KCNIP4: variants seen among roughly 807,000 people sequenced by gnomAD.
KCNIP4 encodes the protein Kv channel-interacting protein 4.
In KCNIP4, 12 loss-of-function variants were observed where a neutral mutation model predicts 34.0. That is an observed-to-expected ratio of 0.35 (90% confidence interval 0.23 to 0.57). The LOEUF is 0.57. KCNIP4 is among the 20% of genes least tolerant of loss of function. The pLI is 0.83. For missense variants in KCNIP4, 238 were observed against 311.7 expected, an observed-to-expected ratio of 0.76 and a Z score of 1.78; for synonymous variants, 124 against 102.2, an observed-to-expected ratio of 1.21 and a Z score of -1.29.
intron 1 of KCNIP4, among the ~76,000 whole-genome samples, chr4:21,269,569 C>A (rs1055807902): frequency 4.6e-5 from 7 of 151,942 alleles, no homozygotes; most frequent in African/African-American, 1.7e-4. Context: ...CCATGCCCAG[C>A]TAATTTTTGT....
chr4:21,050,281 T>C (rs900980616), intron 1 of KCNIP4, among the ~76,000 whole-genome samples: 5 of 152,180 alleles, frequency 3.3e-5, no homozygotes, highest in African/African-American at 1.2e-4. Flanking sequence ...AAAGTCTCAT[T>C]TAAATATAAC....
At position 20,956,082 on chromosome 4, in the gene KCNIP4, C is replaced by A. The variant is rs796294315; in HGVS notation, c.62-73373G>T. ...GTGTGATTTTCTAAATTTGATTAGA[C>A]CTTTTTTGACAGGGATCTATCTTTC... On this transcript the variant is annotated intron_variant, in intron 1 of 8. Transcript: ENST00000382152. 3.9e-5 allele frequency among the ~76,000 whole-genome samples: 6 copies of A among 152,150 alleles called. No individual in the cohort carries two copies. The South Asian group carries it at 1.2e-3, about 32-fold the overall frequency.
chr4:21,818,058 C>A (rs1578027972), intron 1 of KCNIP4, among the ~76,000 whole-genome samples: 2 of 152,124 alleles, frequency 1.3e-5, no homozygotes, highest in South Asian at 4.1e-4. Flanking sequence ...CACCCCTTCC[C>A]TTTTTGAAAC....
At chr4:21,732,759 T>G (rs1271797666) in intron 1 of KCNIP4, among the ~76,000 whole-genome samples, 1 of 152,138 alleles carries the variant, frequency 6.6e-6, no homozygotes, top group African/African-American at 2.4e-5. Context: ...ATACCAGTGC[T>G]GAAAAGTGAT....
At chr4:21,922,001 A>T (rs1407404690) in intron 1 of KCNIP4, among the ~76,000 whole-genome samples, 2 of 152,140 alleles carry the variant, frequency 1.3e-5, no homozygotes, top group Non-Finnish European at 2.9e-5. Flanking sequence ...TCACTGACTC[A>T]TCTCACATCT....
At chr4:21,879,938 C>CA (rs1726369237) in intron 1 of KCNIP4, among the ~76,000 whole-genome samples, 1 of 152,036 alleles carries the variant, frequency 6.6e-6, no homozygotes, top group Non-Finnish European at 1.5e-5. Context: ...TCACTCTGCA[C>CA]TTCGCCTTCT....
chr4:21,124,692 G>T (rs987558049), intron 1 of KCNIP4, among the ~76,000 whole-genome samples: 2 of 152,104 alleles, frequency 1.3e-5, no homozygotes, highest in African/African-American at 2.4e-5. Context: ...GCTTAAAAAG[G>T]TACAGACTCC....
chr4:21,795,128 T>C (rs994886396), intron 1 of KCNIP4, among the ~76,000 whole-genome samples: 4 of 152,036 alleles, frequency 2.6e-5, no homozygotes, highest in East Asian at 1.9e-4. Context: ...AAGGAGGTGA[T>C]GAAGTTAAAA....
chr4:21,592,036 AG>A (rs1742262489), intron 1 of KCNIP4, among the ~76,000 whole-genome samples: 1 of 152,092 alleles, frequency 6.6e-6, no homozygotes, highest in Non-Finnish European at 1.5e-5. Context: ...AAAGTGATAG[AG>A]GGATAGTCAT....
intron 1 of KCNIP4, among the ~76,000 whole-genome samples, chr4:21,819,855 CT>C (rs1401255827): frequency 6.6e-6 from 1 of 151,866 alleles, no homozygotes; most frequent in African/African-American, 2.4e-5. Flanking sequence ...TGAGACAGTC[CT>C]TTTTGGTGTG....
At chr4:21,484,679 A>G (rs1395681399) in intron 1 of KCNIP4, among the ~76,000 whole-genome samples, 1 of 152,112 alleles carries the variant, frequency 6.6e-6, no homozygotes, top group Admixed American at 6.6e-5. Flanking sequence ...TATGTTTAGC[A>G]TTCAAGAAAA....
chr4:21,791,980 G>A (rs1372334640), intron 1 of KCNIP4, among the ~76,000 whole-genome samples: 2 of 110,044 alleles, frequency 1.8e-5, no homozygotes, highest in African/African-American at 7.5e-5. Context: ...CCAGCCTGGT[G>A]ACAGAATGAG....
At chr4:21,215,234 A>C (rs1034235306) in intron 1 of KCNIP4, among the ~76,000 whole-genome samples, 1 of 152,340 alleles carries the variant, frequency 6.6e-6, no homozygotes, top group African/African-American at 2.4e-5. Context: ...ATCATGGCTT[A>C]GAACGTATCT....
intron 1 of KCNIP4, among the ~76,000 whole-genome samples, chr4:21,232,238 A>G (rs1256907312): frequency 6.6e-6 from 1 of 152,138 alleles, no homozygotes; most frequent in Non-Finnish European, 1.5e-5. Context: ...TCACTCTGAA[A>G]AAGGTGTTGT....
At chr4:21,201,286 A>G (rs1031547552) in intron 1 of KCNIP4, among the ~76,000 whole-genome samples, 2 of 152,204 alleles carry the variant, frequency 1.3e-5, no homozygotes, top group Non-Finnish European at 1.5e-5. Context: ...TGCTACAATC[A>G]AGAGGTTGAC....
At chr4:21,493,629 G>A (rs952374178) in intron 1 of KCNIP4, among the ~76,000 whole-genome samples, 1 of 152,156 alleles carries the variant, frequency 6.6e-6, no homozygotes, top group African/African-American at 2.4e-5. Context: ...AGCAACAAGA[G>A]TCCTTTCTCT....
intron 1 of KCNIP4, among the ~76,000 whole-genome samples, chr4:21,412,706 T>C (rs1226568029): frequency 6.6e-6 from 1 of 152,182 alleles, no homozygotes; most frequent in Non-Finnish European, 1.5e-5. Context: ...TCATACTGGG[T>C]TTTATTTCCA....
intron 1 of KCNIP4, among the ~76,000 whole-genome samples, chr4:21,279,407 A>AC (rs1420744415): frequency 5.9e-5 from 9 of 152,000 alleles, no homozygotes; most frequent in Admixed American, 5.9e-4. Context: ...TTAAATAAAA[A>AC]TATTTGGCTT....
At position 21,863,218 on chromosome 4, in the gene KCNIP4, G is replaced by C. The variant is rs372247585; in HGVS notation, c.61+85353C>G. Among the ~76,000 whole-genome samples, 358 of 149,942 alleles carry C rather than the reference G, an allele frequency of 2.4e-3. 1 individual carries two copies. The East Asian group carries it at 0.028, about 12-fold the overall frequency. ...GTAATTCCTAGGCAGCTTTTGGTAA[G>C]TGTGTTATCCATATATATGGCTAAT... On this transcript the variant is annotated intron_variant, in intron 1 of 8. Transcript: ENST00000382152.
Sources: allele counts gnomAD v4.1 joint callset (sites outside exome capture counted in the v4.1 genomes callset), GRCh38; gene constraint gnomAD v4.1.1; transcripts MANE v1.5; gene names NCBI Gene and HGNC (gene_info 2026-07-23, HGNC 2026-07-21).